NLK: variants seen among roughly 807,000 people sequenced by gnomAD.
NLK encodes the protein serine/threonine-protein kinase NLK.
In NLK, 11 loss-of-function variants were observed where a neutral mutation model predicts 59.0. The ratio of observed to expected loss-of-function variants is 0.19; its 90% confidence interval spans 0.12 to 0.31. The LOEUF (loss-of-function observed/expected upper bound fraction) is 0.31. Ranked by LOEUF, NLK falls within the 10% of genes least tolerant of loss-of-function variation. NLK has a pLI of 1.00. For synonymous variants in NLK, 235 were observed against 235.9 expected, an observed-to-expected ratio of 1.00 and a Z score of 0.03; for missense variants, 410 against 661.1, an observed-to-expected ratio of 0.62 and a Z score of 4.16.
In NLK at chr17:28,055,095, C is replaced by CT. The variant is rs1041966713; in HGVS notation, c.458+11780dup. Among the ~76,000 whole-genome samples the CT allele has an allele frequency of 7.2e-3, 945 of 132,024 alleles. 5 individuals are homozygous for CT. Among genetic ancestry groups the CT allele is most frequent in the African/African-American group, 0.014 (497 of 35,826 alleles). The allele number at this position is 132,024 out of a possible 152,430, so 86.6% of individuals were successfully genotyped here. A position where few individuals can be genotyped will look rare whatever the true frequency, so the allele number is the denominator to read the frequency against. On this transcript the variant is annotated intron_variant, in intron 1 of 10. Transcript: ENST00000407008. ...AGGGTTGTTGTGGGGATTTTTTTTT[C>CT]TTTTTTTTTTTTTTTTGAGACGGAT...
the NLK span, among the ~76,000 whole-genome samples, chr17:28,203,516 A>G: frequency 1.3e-5 from 2 of 152,034 alleles, no homozygotes; most frequent in African/African-American, 4.8e-5. Context: ...CAGAGCCAGC[A>G]CTTCCCCTGT....
intron 5 of NLK, 45 bp downstream of exon 5, chr17:28,163,673 C>T (rs1908104012): frequency 1.8e-6 from 2 of 1,129,920 alleles, no homozygotes; most frequent in South Asian, 1.4e-5. Flanking sequence ...ATCAGAATGT[C>T]AGGGCAGGTT....
chr17:28,191,353 G>T, intron 9 of NLK, 134 bp downstream of exon 9: 1 of 606,640 alleles, frequency 1.6e-6, no homozygotes, highest in Non-Finnish European at 2.8e-6. Context: ...GCGTATAGCT[G>T]TGTGTCCGGG....
intron 1 of NLK, among the ~76,000 whole-genome samples, chr17:28,100,959 T>C (rs945902609): frequency 3.3e-5 from 5 of 152,172 alleles, no homozygotes; most frequent in Non-Finnish European, 7.4e-5. Context: ...TGAAGTTGTG[T>C]ATAGTGTGAG....
the NLK span, among the ~76,000 whole-genome samples, chr17:28,201,470 G>A: frequency 2.0e-5 from 3 of 149,350 alleles, no homozygotes; most frequent in Non-Finnish European, 4.4e-5. Context: ...CTTGAACCCA[G>A]GAGGTGGAGG....
Position 28,195,808 on chromosome 17 carries a change from A to G in NLK, c.*1172A>G, listed in dbSNP as rs1380073450. 2 of 145,918 alleles carry G rather than the reference A, an allele frequency of 1.4e-5. No individual in the cohort carries two copies. The highest frequency in any genetic ancestry group is 2.5e-5 in the African/African-American group (1 of 39,878). The allele number at this position is 145,918 out of a possible 1,614,324, so 9.0% of individuals were successfully genotyped here. Reference sequence around the variant, plus strand: ...TTACCTCCACATGCTGATGATGACTATTTTTTTTTTTTGAGTTCAGTGTGG... The same window carrying G: ...TTACCTCCACATGCTGATGATGACTGTTTTTTTTTTTTGAGTTCAGTGTGG... On this transcript the variant is annotated 3_prime_UTR_variant, in exon 11 of 11. Transcript: ENST00000407008.
intron 1 of NLK, among the ~76,000 whole-genome samples, chr17:28,082,175 T>C (rs1910370188): frequency 6.6e-6 from 1 of 152,210 alleles, no homozygotes. Context: ...AGTGCTGGGA[T>C]TACAGGCATG....
intron 3 of NLK, among the ~76,000 whole-genome samples, chr17:28,135,654 A>G (rs1054783817): frequency 4.6e-4 from 70 of 152,388 alleles, no homozygotes; most frequent in African/African-American, 1.5e-3. Context: ...TTTACTGCAC[A>G]TAGGCCATAT....
chr17:28,068,140 C>CAAA (rs1183536787), intron 1 of NLK, among the ~76,000 whole-genome samples: 2 of 69,866 alleles, frequency 2.9e-5, no homozygotes. Context: ...GACTCCGTCT[C>CAAA]AAAAAAAAAA....
At chr17:28,096,115 T>C (rs1904691590) in intron 1 of NLK, among the ~76,000 whole-genome samples, 1 of 152,190 alleles carries the variant, frequency 6.6e-6, no homozygotes, top group Non-Finnish European at 1.5e-5. Flanking sequence ...AGGCATTCTT[T>C]TATAGGTCAA....
At chr17:28,079,649 GTATCTTCTCT>G (rs1177990184) in intron 1 of NLK, among the ~76,000 whole-genome samples, 1 of 152,100 alleles carries the variant, frequency 6.6e-6, no homozygotes, top group Admixed American at 6.5e-5. Flanking sequence ...GGCCATTTGT[GTATCTTCTCT>G]TTTGCCCATT....
In NLK at chr17:28,042,861, G is replaced by T. The variant is rs1480166374; in HGVS notation, c.-13G>T. ...ACCCAGTTTGCTTTCCAATCAAAGG[G>T]CATTTATTTTGAATGTCTCTTTGTG... On this transcript the variant is annotated 5_prime_UTR_variant, in exon 1 of 11. Coordinates refer to ENST00000407008, the MANE Select transcript of NLK (RefSeq NM_016231.5). 1 of 1,480,140 alleles carries T rather than the reference G, an allele frequency of 6.8e-7. No homozygotes were observed. Among genetic ancestry groups the T allele is most frequent in the African/African-American group, 1.4e-5 (1 of 71,148 alleles). The allele number at this position is 1,480,140 out of a possible 1,614,324, so 91.7% of individuals were successfully genotyped here. A position where few individuals can be genotyped will look rare whatever the true frequency, so the allele number is the denominator to read the frequency against.
chr17:28,082,787 CAT>C (rs1285688220), intron 1 of NLK, among the ~76,000 whole-genome samples: 3 of 152,302 alleles, frequency 2.0e-5, no homozygotes, highest in Middle Eastern at 3.4e-3. Flanking sequence ...GAGGAAATAA[CAT>C]GTTTGTAATG....
At chr17:28,045,966 T>C (rs1052529706) in intron 1 of NLK, among the ~76,000 whole-genome samples, 11 of 152,244 alleles carry the variant, frequency 7.2e-5, no homozygotes, top group African/African-American at 2.4e-4. Flanking sequence ...CGGGGTATTA[T>C]AAGATTCACT....
intron 1 of NLK, among the ~76,000 whole-genome samples, chr17:28,096,678 A>G (rs1248586388): frequency 1.3e-5 from 2 of 152,174 alleles, no homozygotes; most frequent in East Asian, 1.9e-4. Context: ...ACACTTCTCT[A>G]GTTTCCCACT....
rs747191437 is a variant in NLK at position 28,195,682 on chromosome 17, A to C, written c.*1046A>C. The C allele has an allele frequency of 9.2e-5, 14 of 152,612 alleles. No individual in the cohort carries two copies. Among genetic ancestry groups the C allele is most frequent in the Non-Finnish European group, 2.1e-4 (14 of 68,034 alleles). 9.5% of individuals were successfully genotyped at this position (152,612 alleles called of 1,614,324 possible). On this transcript the variant is annotated 3_prime_UTR_variant, in exon 11 of 11. Coordinates refer to ENST00000407008, the MANE Select transcript of NLK (RefSeq NM_016231.5). ...GTAAATAACTTATTACTTTTTGACA[A>C]GTTCTTTTTTTCTGTTGGAACACTG... is the stretch of plus-strand genomic sequence containing the variant.
chr17:28,058,870 AATCCC>A (rs1157243650), intron 1 of NLK, among the ~76,000 whole-genome samples: 1 of 152,212 alleles, frequency 6.6e-6, no homozygotes, highest in Admixed American at 6.5e-5. Flanking sequence ...TTACACCTGT[AATCCC>A]AGCACTTTGG....
At chr17:28,072,695 A>G (rs1310603860) in intron 1 of NLK, among the ~76,000 whole-genome samples, 1 of 151,770 alleles carries the variant, frequency 6.6e-6, no homozygotes. Flanking sequence ...TGTAAGTTTC[A>G]TACCTTATTT....
intron 1 of NLK, among the ~76,000 whole-genome samples, chr17:28,082,529 C>A (rs1340250757): frequency 6.6e-6 from 1 of 152,134 alleles, no homozygotes; most frequent in Non-Finnish European, 1.5e-5. Context: ...AATTGGGGTG[C>A]CTCCCTGCCC....
Sources: gnomAD v4.1 joint callset for allele counts (sites outside exome capture counted in the v4.1 genomes callset) on GRCh38, gnomAD v4.1.1 for gene constraint, MANE v1.5 for transcripts, NCBI Gene and HGNC (gene_info 2026-07-23, HGNC 2026-07-21) for gene names.